PDGFA: variants seen among roughly 807,000 people sequenced by gnomAD.
PDGFA encodes the protein platelet-derived growth factor subunit A.
A neutral mutation model predicts 25.6 loss-of-function variants in PDGFA; 9 were observed. The observed-to-expected ratio is 0.35, with a 90% CI of 0.21 to 0.61. The LOEUF (loss-of-function observed/expected upper bound fraction) is 0.61. PDGFA is among the 20% of genes least tolerant of loss of function. PDGFA has a pLI of 0.75. For missense variants in PDGFA, 242 were observed against 272.8 expected, an observed-to-expected ratio of 0.89 and a Z score of 0.79; for synonymous variants, 133 against 111.8, an observed-to-expected ratio of 1.19 and a Z score of -1.20.
At chr7:511,090 A>C in intron 3 of PDGFA, 94 bp from the exon 4 acceptor site, 1 of 952,536 alleles carries the variant, frequency 1.0e-6, no homozygotes, top group Non-Finnish European at 1.6e-6. Flanking sequence ...CTGGGGGGCA[A>C]CCAGGGTAAG....
intron 4 of PDGFA, among the ~76,000 whole-genome samples, chr7:506,207 G>A (rs574101580): frequency 1.6e-4 from 23 of 146,322 alleles, no homozygotes; most frequent in Middle Eastern, 3.7e-3. Flanking sequence ...CAAGTCGGGC[G>A]TGGAGGAGGT....
At chr7:513,843 G>A (rs942369259) in intron 2 of PDGFA, among the ~76,000 whole-genome samples, 2 of 152,202 alleles carry the variant, frequency 1.3e-5, no homozygotes, top group South Asian at 4.1e-4. Flanking sequence ...GACGAAGCTC[G>A]CCCGGAGCCC....
At chr7:499,841 C>A (rs938675268) in intron 5 of PDGFA, among the ~76,000 whole-genome samples, 1 of 151,538 alleles carries the variant, frequency 6.6e-6, no homozygotes, top group African/African-American at 2.4e-5. Flanking sequence ...AGACAGAAGG[C>A]GGACACTGAT....
chr7:518,956 C>T (rs993302929), exon 1 of PDGFA: 6 of 1,538,080 alleles, frequency 3.9e-6, no homozygotes, highest in Non-Finnish European at 4.4e-6. Flanking sequence ...AGAACATGGG[C>T]GAGGTATCCG....
At chr7:518,643 C>G (rs961678448) in intron 1 of PDGFA, 2 of 361,010 alleles carry the variant, frequency 5.5e-6, no homozygotes, top group Non-Finnish European at 9.9e-6. Context: ...CTGCAGCGCC[C>G]GCTGCGCCCC....
rs772683065 is a variant in PDGFA, at chr7:512,463, C to T, written c.161-8G>A. 22 of 1,613,332 alleles carry T rather than the reference C, an allele frequency of 1.4e-5. No homozygotes were observed. The highest frequency in any genetic ancestry group is 1.6e-4 in the Middle Eastern group (1 of 6,084). On this transcript the variant is annotated splice_region_variant and splice_polypyrimidine_tract_variant and intron_variant, in intron 2 of 5. Transcript: ENST00000402802. The stretch of plus-strand genomic sequence containing the variant: ...CCAAAGAATCCTCACTCCCTGCAGG[C>T]GGAAGGAGAACACCGTGAATGCCCC...
intron 4 of PDGFA, among the ~76,000 whole-genome samples, chr7:509,960 T>C (rs1176876225): frequency 6.6e-6 from 1 of 152,112 alleles, no homozygotes; most frequent in East Asian, 1.9e-4. Flanking sequence ...CTCCTTCTCC[T>C]GGGCTGCTTT....
chr7:512,047 G>A (rs981445247), intron 3 of PDGFA, among the ~76,000 whole-genome samples: 53 of 152,336 alleles, frequency 3.5e-4, no homozygotes, highest in African/African-American at 1.1e-3. Context: ...AAGACAGGGC[G>A]CTTAAGGAAT....
Position 500,944 on chromosome 7 carries a change from ATCCG to A in PDGFA, c.580+168_580+171del, listed in dbSNP as rs1385782904. The A allele has an allele frequency of 1.9e-6, 3 of 1,592,930 alleles. No homozygotes were observed. Among genetic ancestry groups the A allele is most frequent in the African/African-American group, 1.3e-5 (1 of 74,800 alleles). On this transcript the variant is annotated intron_variant, in intron 5 of 5. Coordinates refer to ENST00000402802, the Ensembl canonical transcript of PDGFA. The surrounding 1 kb of genome is among the most constrained non-coding windows in gnomAD (Gnocchi z 5.0). ...CCCACCGGACACCTGCAGGTGTGGG[ATCCG>A]TCTCCCCCGCAGGCATCTGGCCCGG...
At chr7:498,883 CT>C (rs1782206307) in intron 5 of PDGFA, among the ~76,000 whole-genome samples, 1 of 152,228 alleles carries the variant, frequency 6.6e-6, no homozygotes, top group Non-Finnish European at 1.5e-5. Context: ...TTCTCTCTGC[CT>C]TCCTTTCTTC....
intron 4 of PDGFA, among the ~76,000 whole-genome samples, chr7:510,589 G>T (rs1388572060): frequency 6.2e-5 from 5 of 80,556 alleles, no homozygotes; most frequent in Admixed American, 5.5e-4. Context: ...GGGCTCGGGT[G>T]GGGAGGGGAG....
intron 4 of PDGFA, among the ~76,000 whole-genome samples, chr7:504,464 C>T (rs1782475944): frequency 6.6e-6 from 1 of 152,160 alleles, no homozygotes; most frequent in Non-Finnish European, 1.5e-5. Flanking sequence ...CCAGGCCCAG[C>T]CCCCTCCTGC....
chr7:500,592 T>C lies in PDGFA; in HGVS notation c.580+524A>G. The C allele has an allele frequency of 1.3e-6, 2 of 1,596,296 alleles. No individual in the cohort carries two copies. Among genetic ancestry groups the C allele is most frequent in the Non-Finnish European group, 1.7e-6 (2 of 1,172,484 alleles). On this transcript the variant is annotated intron_variant, in intron 5 of 5. Transcript: ENST00000402802. This position sits in a 1 kb window ranked among gnomAD's most constrained non-coding sequence, Gnocchi z 5.0. Reference sequence around the variant, plus strand: ...CAAATACCTACGGCATTTGTTTATCTTTCCAGAAGAGAAGGCCAGCACCCT... The same window carrying C: ...CAAATACCTACGGCATTTGTTTATCCTTCCAGAAGAGAAGGCCAGCACCCT...
chr7:515,712 C>T (rs139314636), intron 2 of PDGFA, among the ~76,000 whole-genome samples: 190 of 152,252 alleles, frequency 1.2e-3, no homozygotes, highest in African/African-American at 4.2e-3. Flanking sequence ...GCTCCTGGGA[C>T]ATGACTGCAG....
At chr7:497,606 G>T (rs537422309) in exon 6 of PDGFA, 2 of 152,284 alleles carry the variant, frequency 1.3e-5, no homozygotes, top group African/African-American at 4.8e-5. Flanking sequence ...AGCCACAAAC[G>T]GGCTCTGGGG....
chr7:512,372 T>A (rs745938507), exon 3 of PDGFA: 11 of 1,613,014 alleles, frequency 6.8e-6, no homozygotes, highest in East Asian at 2.2e-5. Flanking sequence ...TTCCTCCGAA[T>A]GGGCAGGGGC....
chr7:505,432 T>C (rs1782518061), intron 4 of PDGFA, among the ~76,000 whole-genome samples: 1 of 152,152 alleles, frequency 6.6e-6, no homozygotes, highest in African/African-American at 2.4e-5. Context: ...GTCACCCCTC[T>C]AGACCTGGGA....
At chr7:515,016 G>A (rs1349773622) in intron 2 of PDGFA, among the ~76,000 whole-genome samples, 4 of 152,216 alleles carry the variant, frequency 2.6e-5, no homozygotes, top group Non-Finnish European at 5.9e-5. Context: ...ACAGTGGGAC[G>A]CAGCCTGCAT....
chr7:504,872 C>G (rs1404417093), intron 4 of PDGFA, among the ~76,000 whole-genome samples: 4 of 152,218 alleles, frequency 2.6e-5, no homozygotes, highest in South Asian at 2.1e-4. Flanking sequence ...CTCAACCACT[C>G]GAGATGGCCG....
Sources: gnomAD v4.1 joint callset for allele counts (sites outside exome capture counted in the v4.1 genomes callset) on GRCh38, gnomAD v4.1.1 for gene constraint, Gnocchi (gnomAD v3.1) non-coding constraint, MANE v1.5 for transcripts, NCBI Gene and HGNC (gene_info 2026-07-23, HGNC 2026-07-21) for gene names.